PTCHD4: variants seen among roughly 807,000 people sequenced by gnomAD.
PTCHD4 encodes patched domain-containing protein 4.
A neutral mutation model predicts 58.1 loss-of-function variants in PTCHD4; 33 were observed. The observed-to-expected ratio is 0.57, with a 90% CI of 0.43 to 0.76. PTCHD4 has a LOEUF of 0.76. Among genes scored for constraint, PTCHD4 ranks in the 30% least tolerant of loss-of-function variants. The pLI is 0.00. For synonymous variants in PTCHD4, 478 were observed against 409.6 expected, an observed-to-expected ratio of 1.17 and a Z score of -2.02; for missense variants, 1,058 against 1,027.1, an observed-to-expected ratio of 1.03 and a Z score of -0.41.
chr6:47,977,793 C>T (rs1161096582), intron 4 of PTCHD4, among the ~76,000 whole-genome samples: 3 of 152,026 alleles, frequency 2.0e-5, no homozygotes, highest in Non-Finnish European at 4.4e-5. Flanking sequence ...TGAAGTTTTT[C>T]CATAAATAGC....
chr6:47,902,508 G>T (rs1285477812), intron 4 of PTCHD4, among the ~76,000 whole-genome samples: 1 of 152,142 alleles, frequency 6.6e-6, no homozygotes, highest in Non-Finnish European at 1.5e-5. Context: ...TTGCGTGAAG[G>T]AAATGATTCT....
rs1408425798 is a variant in PTCHD4, at chr6:47,863,168, G to T, written c.*15135C>A. ...TGAGACTTATGTGGTCCCACATGCA[G>T]GGGCAGATCAAAATTTTGTTGAGCC... On this transcript the variant is annotated 3_prime_UTR_variant, in exon 5 of 5. Coordinates refer to ENST00000339488, the MANE Select transcript of PTCHD4 (RefSeq NM_001384253.1). 4.6e-5 allele frequency among the ~76,000 whole-genome samples: 7 copies of T among 151,806 alleles called. No homozygotes were observed. The highest frequency in any genetic ancestry group is 1.7e-4 in the African/African-American group (7 of 41,386).
intron 3 of PTCHD4, among the ~76,000 whole-genome samples, chr6:48,049,331 C>T (rs1170794359): frequency 2.5e-5 from 1 of 40,388 alleles, no homozygotes; most frequent in East Asian, 7.9e-4. Context: ...AGAGAACTTA[C>T]ACATGTTTCG....
intron 4 of PTCHD4, among the ~76,000 whole-genome samples, chr6:47,942,445 A>G (rs1766267391): frequency 6.6e-6 from 1 of 152,184 alleles, no homozygotes; most frequent in Non-Finnish European, 1.5e-5. Flanking sequence ...AATTAAAAAA[A>G]TAATAACACA....
In PTCHD4 at chr6:47,874,522, T is replaced by C. The variant is rs1001406270; in HGVS notation, c.*3781A>G. On this transcript the variant is annotated 3_prime_UTR_variant, in exon 5 of 5. Transcript: ENST00000339488. ...ATTCTGAATGGCAATAGTTAATCCTTAGCTCTAACCACAAGCCTAGAAGGA... is the reference window on the plus strand; with the variant it reads ...ATTCTGAATGGCAATAGTTAATCCTCAGCTCTAACCACAAGCCTAGAAGGA... 6.6e-6 allele frequency among the ~76,000 whole-genome samples: 1 copy of C among 151,776 alleles called. No homozygotes were observed. The highest frequency in any genetic ancestry group is 2.4e-5 in the African/African-American group (1 of 41,390).
At chr6:48,012,460 A>T (rs147688612) in intron 3 of PTCHD4, among the ~76,000 whole-genome samples, 43 of 152,262 alleles carry the variant, frequency 2.8e-4, no homozygotes, top group Non-Finnish European at 5.9e-4. Context: ...TTATCAGCTT[A>T]AGGAGATTTG....
intron 3 of PTCHD4, among the ~76,000 whole-genome samples, chr6:48,022,737 C>T (rs1278567883): frequency 5.9e-5 from 9 of 151,952 alleles, no homozygotes. Flanking sequence ...GAAAGGAGCA[C>T]CTCAATGCCT....
At chr6:47,944,238 C>T (rs1405172712) in intron 4 of PTCHD4, among the ~76,000 whole-genome samples, 1 of 152,066 alleles carries the variant, frequency 6.6e-6, no homozygotes, top group Non-Finnish European at 1.5e-5. Flanking sequence ...ACTAACCTGC[C>T]TACAATTGCA....
intron 4 of PTCHD4, among the ~76,000 whole-genome samples, chr6:47,956,861 A>G (rs1766881475): frequency 6.6e-6 from 1 of 152,164 alleles, no homozygotes; most frequent in Non-Finnish European, 1.5e-5. Flanking sequence ...TTTGTTTTCT[A>G]TCATTTAAAA....
At chr6:48,019,936 T>C (rs1239141915) in intron 3 of PTCHD4, among the ~76,000 whole-genome samples, 2 of 151,984 alleles carry the variant, frequency 1.3e-5, no homozygotes, top group Non-Finnish European at 2.9e-5. Context: ...TGGAAAGAAA[T>C]GGTCTTCTAA....
chr6:47,959,747 T>C (rs1262209629), intron 4 of PTCHD4, among the ~76,000 whole-genome samples: 2 of 151,556 alleles, frequency 1.3e-5, no homozygotes, highest in Non-Finnish European at 2.9e-5. Context: ...GAGAAGATAA[T>C]GGAACAACCT....
intron 1 of PTCHD4, among the ~76,000 whole-genome samples, chr6:48,091,986 TACACATACACACAC>T (rs576546708): frequency 0.016 from 2,353 of 151,242 alleles, 41 homozygotes; most frequent in South Asian, 0.06. Flanking sequence ...AGTACACACA[TACACATACACACAC>T]ACACATACAC....
intron 4 of PTCHD4, among the ~76,000 whole-genome samples, chr6:48,001,486 G>C (rs533735835): frequency 3.3e-5 from 5 of 152,054 alleles, no homozygotes; most frequent in South Asian, 2.1e-4. Flanking sequence ...TTTGACAAAC[G>C]TGACAAAAAC....
Position 47,868,419 on chromosome 6 carries a change from C to T in PTCHD4, c.*9884G>A, listed in dbSNP as rs542106637. Among the ~76,000 whole-genome samples, 78 of 151,798 alleles carry T rather than the reference C, an allele frequency of 5.1e-4. 1 individual carries two copies. Among genetic ancestry groups the T allele is most frequent in the Admixed American group, 8.5e-4 (13 of 15,208 alleles). ...AAATGAAACAAAACAACAACAAAAGCTTCTGAATATGGGCTCTCAAAGATT... is the reference window on the plus strand; with the variant it reads ...AAATGAAACAAAACAACAACAAAAGTTTCTGAATATGGGCTCTCAAAGATT... On this transcript the variant is annotated 3_prime_UTR_variant, in exon 5 of 5. Coordinates refer to ENST00000339488, the MANE Select transcript of PTCHD4 (RefSeq NM_001384253.1).
intron 4 of PTCHD4, among the ~76,000 whole-genome samples, chr6:47,944,725 C>T (rs574679898): frequency 5.5e-4 from 83 of 152,190 alleles, no homozygotes; most frequent in African/African-American, 1.9e-3. Flanking sequence ...AACTTGGGAG[C>T]ATCTTTCTTG....
chr6:47,964,577 C>G (rs1767216239), intron 4 of PTCHD4, among the ~76,000 whole-genome samples: 1 of 152,092 alleles, frequency 6.6e-6, no homozygotes, highest in Non-Finnish European at 1.5e-5. Context: ...ACTTGGAAGA[C>G]TTTTATTTTA....
chr6:48,097,646 G>A (rs1765502242), intron 1 of PTCHD4, among the ~76,000 whole-genome samples: 1 of 152,072 alleles, frequency 6.6e-6, no homozygotes, highest in Non-Finnish European at 1.5e-5. Flanking sequence ...TCTATGTCTA[G>A]CATCTTAGAA....
At chr6:47,941,994 T>C (rs746646147) in intron 4 of PTCHD4, among the ~76,000 whole-genome samples, 5 of 152,220 alleles carry the variant, frequency 3.3e-5, no homozygotes, top group African/African-American at 4.8e-5. Context: ...AGCAGTCACA[T>C]TGGAAAATCA....
Position 47,875,014 on chromosome 6 carries a change from C to T in PTCHD4, c.*3289G>A, listed in dbSNP as rs1388786256. ...AGAGTGGAGCTCACATGGCACTTTC[C>T]AATTCAAATTTAAATTCTGATGGAA... On this transcript the variant is annotated 3_prime_UTR_variant, in exon 5 of 5. Transcript: ENST00000339488. Among the ~76,000 whole-genome samples the T allele has an allele frequency of 2.6e-5, 4 of 151,700 alleles. No individual in the cohort carries two copies. The highest frequency in any genetic ancestry group is 4.4e-5 in the Non-Finnish European group (3 of 67,856).
Sources: gnomAD v4.1 joint callset for allele counts (sites outside exome capture counted in the v4.1 genomes callset) on GRCh38, gnomAD v4.1.1 for gene constraint, MANE v1.5 for transcripts, NCBI Gene and HGNC (gene_info 2026-07-23, HGNC 2026-07-21) for gene names.